Variants in PMPCB observed in about 807,000 individuals in gnomAD.
PMPCB encodes the protein peptidase, mitochondrial processing subunit beta, also known as mitochondrial-processing peptidase subunit beta.
A neutral mutation model predicts 61.5 loss-of-function variants in PMPCB; 46 were observed. The ratio of observed to expected loss-of-function variants is 0.75; its 90% confidence interval spans 0.59 to 0.96. The LOEUF is 0.96. PMPCB is among the 40% of genes least tolerant of loss of function. The pLI, the probability that PMPCB is intolerant of heterozygous loss-of-function variation, is 0.00. For synonymous variants in PMPCB, 191 were observed against 201.6 expected, an observed-to-expected ratio of 0.95 and a Z score of 0.44; for missense variants, 590 against 602.4, an observed-to-expected ratio of 0.98 and a Z score of 0.22.
chr7:103,314,604 T>TA lies in PMPCB; in HGVS notation c.*2334dup. On this transcript the variant is annotated 3_prime_UTR_variant, in exon 13 of 13. Transcript: ENST00000249269. ...AAAGGTGCAGGAGAATAAACTCCTT[T>TA]ATAAAGAAGTGTCTTTCAGGTGTTC... 2.0e-6 allele frequency: 2 copies of TA among 985,400 alleles called. No individual in the cohort carries two copies. Among genetic ancestry groups the TA allele is most frequent in the Non-Finnish European group, 2.4e-6 (2 of 829,890 alleles). 61.0% of individuals were successfully genotyped at this position (985,400 alleles called of 1,614,324 possible). A position where few individuals can be genotyped will look rare whatever the true frequency, so the allele number is the denominator to read the frequency against.
Position 103,313,344 on chromosome 7 carries a change from C to T in PMPCB, c.*1073C>T. The T allele has an allele frequency of 8.3e-7, 1 of 1,197,978 alleles. No individual in the cohort carries two copies. Among genetic ancestry groups the T allele is most frequent in the Non-Finnish European group, 1.0e-6 (1 of 966,348 alleles). 74.2% of individuals were successfully genotyped at this position (1,197,978 alleles called of 1,614,324 possible). On this transcript the variant is annotated 3_prime_UTR_variant, in exon 13 of 13. Transcript: ENST00000249269. ...TTAAAACACAATAGTAAAGATCTAC[C>T]TTGTACTGTTTATCTCTTAAAAATC...
downstream of PMPCB, among the ~76,000 whole-genome samples, chr7:103,330,102 C>T (rs565248017): frequency 2.0e-5 from 3 of 152,228 alleles, no homozygotes; most frequent in Middle Eastern, 3.4e-3. Context: ...CTTATCAAAA[C>T]GGAATGGGTG....
intron 4 of PMPCB, among the ~76,000 whole-genome samples, chr7:103,301,604 A>G (rs1268239154): frequency 6.6e-6 from 1 of 152,190 alleles, no homozygotes; most frequent in Admixed American, 6.5e-5. Context: ...AGCTTCTGCT[A>G]GTGGGAGTGG....
chr7:103,344,690 C>T, the PMPCB span: 38 of 1,533,696 alleles, frequency 2.5e-5, no homozygotes, highest in Non-Finnish European at 3.3e-5. Context: ...TTAGGGTCCC[C>T]TCCAGCTCTA....
At chr7:103,332,041 G>A (rs1818995873), downstream of PMPCB, among the ~76,000 whole-genome samples, 2 of 144,010 alleles carry the variant, frequency 1.4e-5, no homozygotes, top group Admixed American at 7.1e-5. Flanking sequence ...GTCTTGCTCT[G>A]TCACCCAGGT....
At chr7:103,317,526 A>G (rs1321365696), downstream of PMPCB, among the ~76,000 whole-genome samples, 1 of 152,194 alleles carries the variant, frequency 6.6e-6, no homozygotes, top group African/African-American at 2.4e-5. Flanking sequence ...GTCAGCTGCT[A>G]TCTTAAGAGT....
At chr7:103,341,348 T>A in the PMPCB span, among the ~76,000 whole-genome samples, 2 of 152,244 alleles carry the variant, frequency 1.3e-5, no homozygotes, top group African/African-American at 4.8e-5. Flanking sequence ...CAACAGAGTT[T>A]GGTCTAGTGT....
At chr7:103,311,927 G>A in intron 11 of PMPCB, 31 bp downstream of exon 11, 1 of 1,528,124 alleles carries the variant, frequency 6.5e-7, no homozygotes, top group Non-Finnish European at 9.0e-7. Context: ...ATTGGGTCAT[G>A]TGTAAAAAGA....
chr7:103,299,240 G>T (rs1293296229), intron 2 of PMPCB, among the ~76,000 whole-genome samples: 1 of 152,136 alleles, frequency 6.6e-6, no homozygotes. Context: ...AAGGTGGCAG[G>T]TAGATACTTG....
downstream of PMPCB, chr7:103,317,167 CT>C: frequency 6.1e-6 from 4 of 659,418 alleles, no homozygotes; most frequent in Non-Finnish European, 1.0e-5. Flanking sequence ...GAAGCACCAG[CT>C]TTTCACTCTG....
Position 103,312,615 on chromosome 7 carries a change from T to G in PMPCB, c.*344T>G, listed in dbSNP as rs1169613617. 6.2e-7 allele frequency: 1 copy of G among 1,613,596 alleles called. No homozygotes were observed. Among genetic ancestry groups the G allele is most frequent in the African/African-American group, 1.3e-5 (1 of 74,932 alleles). On this transcript the variant is annotated 3_prime_UTR_variant, in exon 13 of 13. Coordinates refer to ENST00000249269, the MANE Select transcript of PMPCB (RefSeq NM_004279.3). ...ATTCAGCACTTGTTCTTGAGCAGCTTTCTTTGCTTTTACCATCTCGACAAG... is the reference window on the plus strand; with the variant it reads ...ATTCAGCACTTGTTCTTGAGCAGCTGTCTTTGCTTTTACCATCTCGACAAG...
the PMPCB span, chr7:103,342,009 T>C: frequency 3.8e-6 from 5 of 1,319,350 alleles, no homozygotes; most frequent in Non-Finnish European, 5.0e-6. Context: ...ATAAATATGT[T>C]TCAAGGCAAT....
intron 4 of PMPCB, among the ~76,000 whole-genome samples, chr7:103,302,174 C>T (rs910065777): frequency 6.6e-6 from 1 of 152,108 alleles, no homozygotes; most frequent in Non-Finnish European, 1.5e-5. Context: ...TGTATATGTG[C>T]CACATTTTCT....
the PMPCB span, among the ~76,000 whole-genome samples, chr7:103,338,842 G>A: frequency 4.0e-3 from 613 of 152,048 alleles, 14 homozygotes; most frequent in Admixed American, 0.027. Flanking sequence ...CCTGGGAGGC[G>A]GAGGTTGCAG....
chr7:103,316,116 G>C, downstream of PMPCB: 2 of 1,371,986 alleles, frequency 1.5e-6, no homozygotes, highest in Non-Finnish European at 2.0e-6. Flanking sequence ...ACAATAATAT[G>C]AATAGTAGTA....
In PMPCB at chr7:103,300,320, T is replaced by C. The variant is rs1180287240; in HGVS notation, c.457+13T>C. On this transcript the variant is annotated intron_variant, in intron 4 of 12. Transcript: ENST00000249269. Reference sequence around the variant, plus strand: ...GACTTGCCAAGAGGTACTGTTATTATTTATACAGCAGATAATGTAATTTTC... The same window carrying C: ...GACTTGCCAAGAGGTACTGTTATTACTTATACAGCAGATAATGTAATTTTC... 6.3e-7 allele frequency: 1 copy of C among 1,574,810 alleles called. No homozygotes were observed. The highest frequency in any genetic ancestry group is 8.6e-7 in the Non-Finnish European group (1 of 1,158,438).
chr7:103,304,751 A>C (rs1418169382), intron 6 of PMPCB, among the ~76,000 whole-genome samples: 1 of 152,158 alleles, frequency 6.6e-6, no homozygotes, highest in Non-Finnish European at 1.5e-5. Context: ...TCACGAGGTC[A>C]GGAGTTCAAG....
In PMPCB at chr7:103,299,536, TG is replaced by T; in HGVS notation, c.327+8del. On this transcript the variant is annotated splice_region_variant and intron_variant, in intron 3 of 12. Transcript: ENST00000249269. ...GGAGCATATGGCTTTCAAGGCAAGTTGTAAGACTTTACAAAAATGCACTCTC... is the reference window on the plus strand; with the variant it reads ...GGAGCATATGGCTTTCAAGGCAAGTTTAAGACTTTACAAAAATGCACTCTC... 2 of 1,581,962 alleles carry T rather than the reference TG, an allele frequency of 1.3e-6. No homozygotes were observed. The highest frequency in any genetic ancestry group is 1.7e-6 in the Non-Finnish European group (2 of 1,154,388).
Position 103,297,474 on chromosome 7 carries a change from G to T in PMPCB, c.15G>T (p.Ala5=), listed in dbSNP as rs374876597. 9.7e-6 allele frequency: 15 copies of T among 1,543,034 alleles called. No homozygotes were observed. In the African/African-American group the frequency reaches 1.9e-4, roughly 20 times the overall value. The part of the protein sequence containing the change: MAAA[A]ARVVLSSAAR... ...TTCTAGCAGAAATGGCGGCTGCGGC[G>T]GCTCGAGTGGTGTTGTCATCCGCGG... The change falls in exon 1 of 13, where the codon GCG becomes GCT. Residue 5 remains alanine (A), a synonymous_variant. Transcript: ENST00000249269.
Sources: gnomAD v4.1 joint callset for allele counts (sites outside exome capture counted in the v4.1 genomes callset) on GRCh38, gnomAD v4.1.1 for gene constraint, MANE v1.5 for transcripts, NCBI Gene and HGNC (gene_info 2026-07-23, HGNC 2026-07-21) for gene names.